The following PRR16 variants were observed in gnomAD, a reference collection of about 807,000 sequenced individuals.
The protein encoded by PRR16 is proline rich 16, also known as protein Largen.
Under a neutral mutation model 18.2 loss-of-function variants are expected in PRR16, and 6 were observed. That is an observed-to-expected ratio of 0.33 (90% CI 0.18 to 0.65). The LOEUF is 0.65. Ranked by LOEUF, PRR16 falls within the 30% of genes least tolerant of loss-of-function variation. The probability of loss-of-function intolerance (pLI) is 0.74; values close to 1 mark genes in which losing one functional copy is unlikely to be tolerated. For synonymous variants in PRR16, 151 were observed against 147.8 expected, an observed-to-expected ratio of 1.02 and a Z score of -0.16; for missense variants, 412 against 376.6, an observed-to-expected ratio of 1.09 and a Z score of -0.78.
At chr5:120,702,648 G>A in the PRR16 span, among the ~76,000 whole-genome samples, 455 of 152,284 alleles carry the variant, frequency 3.0e-3, 1 homozygote, top group Middle Eastern at 0.01. Context: ...GTCCGTGACC[G>A]GCGCCGGAGT....
chr5:120,707,745 AAAGAAC>A, the PRR16 span, among the ~76,000 whole-genome samples: 1 of 152,354 alleles, frequency 6.6e-6, no homozygotes, highest in South Asian at 2.1e-4. Context: ...GGGAAGAAGA[AAAGAAC>A]AAGTAAAGAC....
intron 1 of PRR16, among the ~76,000 whole-genome samples, chr5:120,594,751 A>G (rs1753747494): frequency 6.6e-6 from 1 of 152,156 alleles, no homozygotes; most frequent in Non-Finnish European, 1.5e-5. Context: ...TACTTGTACA[A>G]ACACGGACAG....
chr5:120,699,564 C>G, the PRR16 span, among the ~76,000 whole-genome samples: 1 of 152,042 alleles, frequency 6.6e-6, no homozygotes, highest in African/African-American at 2.4e-5. Context: ...GTATATGCAT[C>G]AGGTATGAGG....
At chr5:120,715,869 G>A in the PRR16 span, among the ~76,000 whole-genome samples, 1 of 152,038 alleles carries the variant, frequency 6.6e-6, no homozygotes, top group East Asian at 1.9e-4. Flanking sequence ...GCTCACATAG[G>A]CCTTCTCTCT....
At chr5:120,726,189 T>A in the PRR16 span, among the ~76,000 whole-genome samples, 1 of 152,070 alleles carries the variant, frequency 6.6e-6, no homozygotes, top group African/African-American at 2.4e-5. Context: ...ATAAGGAAAG[T>A]TGGGATGTAA....
the PRR16 span, among the ~76,000 whole-genome samples, chr5:120,710,328 G>A: frequency 1.3e-5 from 2 of 152,040 alleles, no homozygotes; most frequent in African/African-American, 2.4e-5. Flanking sequence ...TTTAGTGGGA[G>A]GAAAGGGGAG....
chr5:120,614,762 CA>C (rs1242521909), intron 1 of PRR16, among the ~76,000 whole-genome samples: 2 of 152,172 alleles, frequency 1.3e-5, no homozygotes, highest in Non-Finnish European at 1.5e-5. Flanking sequence ...ACCAGCAGAA[CA>C]GAATCTATAC....
chr5:120,634,105 G>A (rs1755150198), intron 1 of PRR16, among the ~76,000 whole-genome samples: 1 of 152,020 alleles, frequency 6.6e-6, no homozygotes, highest in Non-Finnish European at 1.5e-5. Flanking sequence ...AAATAAAACT[G>A]GAAATCAACT....
chr5:120,704,106 A>C, the PRR16 span, among the ~76,000 whole-genome samples: 1 of 152,218 alleles, frequency 6.6e-6, no homozygotes, highest in Non-Finnish European at 1.5e-5. Context: ...CTTTCTCTTA[A>C]GAGAACACAG....
the PRR16 span, among the ~76,000 whole-genome samples, chr5:120,695,022 C>A: frequency 6.6e-6 from 1 of 152,144 alleles, no homozygotes; most frequent in Non-Finnish European, 1.5e-5. Context: ...TTCAAAAGGA[C>A]TGAGAACTGG....
intron 1 of PRR16, among the ~76,000 whole-genome samples, chr5:120,487,945 T>G (rs1749873760): frequency 6.6e-6 from 1 of 152,190 alleles, no homozygotes; most frequent in Non-Finnish European, 1.5e-5. Context: ...TATGCTGGAT[T>G]ACGTTTATTG....
intron 1 of PRR16, among the ~76,000 whole-genome samples, chr5:120,477,642 A>G (rs1338555026): frequency 6.6e-6 from 1 of 151,916 alleles, no homozygotes; most frequent in Non-Finnish European, 1.5e-5. Context: ...AGACCACATT[A>G]CTCTTTTCAG....
chr5:120,612,106 C>T (rs1754355503), intron 1 of PRR16, among the ~76,000 whole-genome samples: 2 of 152,174 alleles, frequency 1.3e-5, no homozygotes, highest in East Asian at 1.9e-4. Flanking sequence ...CCTGTAACCC[C>T]TTTGTTTTGG....
intron 1 of PRR16, among the ~76,000 whole-genome samples, chr5:120,576,066 A>G (rs181003135): frequency 2.0e-5 from 3 of 152,280 alleles, no homozygotes; most frequent in Non-Finnish European, 4.4e-5. Context: ...CCCCTATACT[A>G]CAAAACTATA....
At chr5:120,512,561 T>C (rs897607335) in intron 1 of PRR16, among the ~76,000 whole-genome samples, 2 of 152,292 alleles carry the variant, frequency 1.3e-5, no homozygotes, top group Admixed American at 1.3e-4. Flanking sequence ...ACTAGAATCA[T>C]ATGTTTTCCT....
At chr5:120,552,679 A>C (rs527580230) in intron 1 of PRR16, among the ~76,000 whole-genome samples, 1 of 151,928 alleles carries the variant, frequency 6.6e-6, no homozygotes, top group Non-Finnish European at 1.5e-5. Context: ...GTTGTGGAGC[A>C]TCCTTGTGGA....
intron 1 of PRR16, among the ~76,000 whole-genome samples, chr5:120,557,640 A>G (rs1011776830): frequency 6.6e-6 from 1 of 151,922 alleles, no homozygotes; most frequent in Non-Finnish European, 1.5e-5. Flanking sequence ...TTTCTCATGC[A>G]AAACAAAGGG....
chr5:120,665,593 C>T (rs1324508550), intron 1 of PRR16, among the ~76,000 whole-genome samples: 1 of 152,040 alleles, frequency 6.6e-6, no homozygotes, highest in African/African-American at 2.4e-5. Context: ...GGTTTTAGGT[C>T]TAACATGTAA....
At chr5:120,739,569 C>A in the PRR16 span, among the ~76,000 whole-genome samples, 162 of 152,260 alleles carry the variant, frequency 1.1e-3, no homozygotes, top group Non-Finnish European at 1.9e-3. Flanking sequence ...ACAAGTGATA[C>A]AATCTACTTA....
Sources: gnomAD v4.1 joint callset for allele counts (sites outside exome capture counted in the v4.1 genomes callset) on GRCh38, gnomAD v4.1.1 for gene constraint, MANE v1.5 for transcripts, NCBI Gene and HGNC (gene_info 2026-07-23, HGNC 2026-07-21) for gene names.